Variants in DAB1 observed in about 807,000 individuals in gnomAD.
The protein encoded by DAB1 is DAB adaptor protein 1.
A neutral mutation model predicts 64.6 loss-of-function variants in DAB1; 15 were observed. The ratio of observed to expected loss-of-function variants is 0.23; its 90% CI spans 0.16 to 0.36. The LOEUF (loss-of-function observed/expected upper bound fraction) is 0.36, where lower values mean the gene tolerates loss of function less well. DAB1 is among the 10% of genes least tolerant of loss of function. DAB1 has a pLI of 1.00. For synonymous variants in DAB1, 235 were observed against 251.9 expected, an observed-to-expected ratio of 0.93 and a Z score of 0.64; for missense variants, 596 against 706.7, an observed-to-expected ratio of 0.84 and a Z score of 1.78.
At chr1:57,910,802 G>A (rs1006444348) in intron 5 of DAB1, among the ~76,000 whole-genome samples, 9 of 152,170 alleles carry the variant, frequency 5.9e-5, no homozygotes, top group African/African-American at 1.9e-4. Flanking sequence ...TGTTTCCAGA[G>A]GTGTAGCAGG....
At chr1:57,577,712 G>A (rs192091759) in intron 7 of DAB1, among the ~76,000 whole-genome samples, 1 of 152,260 alleles carries the variant, frequency 6.6e-6, no homozygotes, top group East Asian at 1.9e-4. Context: ...AGATTCCTGA[G>A]CTCCACAAAA....
intron 4 of DAB1, among the ~76,000 whole-genome samples, chr1:58,191,197 A>G (rs1657370325): frequency 6.6e-6 from 1 of 152,362 alleles, no homozygotes; most frequent in Middle Eastern, 3.4e-3. Context: ...AATAATGACA[A>G]TAATATTAAC....
chr1:57,815,261 C>T (rs852751), intron 6 of DAB1, among the ~76,000 whole-genome samples: 1 of 151,644 alleles, frequency 6.6e-6, no homozygotes, highest in East Asian at 2.0e-4. Context: ...GTAGAGATAG[C>T]GTTTCACTGT....
At chr1:58,184,995 C>A (rs1656992932) in intron 4 of DAB1, among the ~76,000 whole-genome samples, 1 of 152,170 alleles carries the variant, frequency 6.6e-6, no homozygotes, top group Non-Finnish European at 1.5e-5. Context: ...CTCAAATCAA[C>A]CCGTTACACT....
chr1:57,853,570 G>A (rs1176331599), intron 1 of DAB1, among the ~76,000 whole-genome samples: 2 of 142,690 alleles, frequency 1.4e-5, no homozygotes, highest in Admixed American at 1.4e-4. Flanking sequence ...TGCTCAACAT[G>A]TGTTTAAAAT....
rs544375945 is a variant in DAB1, at chr1:57,304,036, A to C, written c.-136-12870T>G. On this transcript the variant is annotated intron_variant, in intron 1 of 14. Transcript: ENST00000371236. Reference sequence around the variant, plus strand: ...CCTTAAATATATCACTGTTTGTATTAGTCCATTCTCGTATTGCTATAGAGA... The same window carrying C: ...CCTTAAATATATCACTGTTTGTATTCGTCCATTCTCGTATTGCTATAGAGA... 2.6e-5 allele frequency among the ~76,000 whole-genome samples: 4 copies of C among 152,324 alleles called. No individual in the cohort carries two copies. In the South Asian group the frequency reaches 8.3e-4, roughly 32 times the overall value.
chr1:57,329,610 A>T (rs1434986064), intron 1 of DAB1, among the ~76,000 whole-genome samples: 1 of 142,938 alleles, frequency 7.0e-6, no homozygotes, highest in Non-Finnish European at 1.5e-5. Flanking sequence ...TTGATGCATC[A>T]TGTTCATTAA....
chr1:57,778,343 C>T (rs922532340), intron 6 of DAB1, among the ~76,000 whole-genome samples: 3 of 151,762 alleles, frequency 2.0e-5, no homozygotes, highest in Non-Finnish European at 4.4e-5. Flanking sequence ...ATCATTTCCT[C>T]AGCTCTTCAG....
At chr1:57,109,435 A>T (rs1655458873) in intron 4 of DAB1, among the ~76,000 whole-genome samples, 1 of 152,220 alleles carries the variant, frequency 6.6e-6, no homozygotes, top group South Asian at 2.1e-4. Context: ...CTGGAAAACA[A>T]ACATGGCTCT....
intron 6 of DAB1, among the ~76,000 whole-genome samples, chr1:57,720,907 A>T (rs536886341): frequency 2.3e-4 from 35 of 152,310 alleles, no homozygotes; most frequent in Middle Eastern, 3.4e-3. Flanking sequence ...CACACCTTGT[A>T]TCACTTGCAC....
intron 1 of DAB1, among the ~76,000 whole-genome samples, chr1:58,541,330 A>C (rs1307165986): frequency 1.1e-4 from 15 of 137,876 alleles, no homozygotes; most frequent in Non-Finnish European, 1.6e-4. Context: ...AAAAAAAAAA[A>C]AAACAGGAAA....
chr1:58,018,551 C>G (rs938800975), intron 5 of DAB1, among the ~76,000 whole-genome samples: 1 of 152,146 alleles, frequency 6.6e-6, no homozygotes, highest in South Asian at 2.1e-4. Context: ...GCCAGGGACT[C>G]AAAATGGGCA....
chr1:57,815,493 G>A (rs573254865), intron 6 of DAB1, among the ~76,000 whole-genome samples: 41 of 152,082 alleles, frequency 2.7e-4, no homozygotes, highest in African/African-American at 8.4e-4. Flanking sequence ...TTCTTTTTTC[G>A]CTTATATATC....
At chr1:58,024,261 G>A (rs1646855690) in intron 5 of DAB1, among the ~76,000 whole-genome samples, 1 of 152,170 alleles carries the variant, frequency 6.6e-6, no homozygotes, top group South Asian at 2.1e-4. Flanking sequence ...AATATGCAAT[G>A]AACTAATGCC....
chr1:57,475,565 G>A (rs999837228), intron 7 of DAB1, among the ~76,000 whole-genome samples: 23 of 152,280 alleles, frequency 1.5e-4, no homozygotes, highest in Admixed American at 2.6e-4. Context: ...ACTTGCTGAC[G>A]TCACCATATG....
At chr1:57,341,484 T>C (rs1008224893) in intron 1 of DAB1, among the ~76,000 whole-genome samples, 2 of 152,196 alleles carry the variant, frequency 1.3e-5, no homozygotes, top group Admixed American at 6.5e-5. Context: ...CAGAAACTAA[T>C]TTAAATAAGC....
At chr1:57,469,768 T>C (rs1211374145) in intron 7 of DAB1, among the ~76,000 whole-genome samples, 1 of 152,198 alleles carries the variant, frequency 6.6e-6, no homozygotes, top group African/African-American at 2.4e-5. Flanking sequence ...TTTCAAAGTA[T>C]CTTCTATGAG....
intron 7 of DAB1, among the ~76,000 whole-genome samples, chr1:57,608,254 A>ATG (rs554391067): frequency 3.9e-5 from 6 of 152,120 alleles, no homozygotes; most frequent in Non-Finnish European, 8.8e-5. Context: ...CACATACACA[A>ATG]TGTAACCTCT....
intron 7 of DAB1, among the ~76,000 whole-genome samples, chr1:57,470,244 C>T (rs1234498914): frequency 6.6e-6 from 1 of 152,214 alleles, no homozygotes; most frequent in Admixed American, 6.5e-5. Flanking sequence ...CTCTCATCAA[C>T]ATAAGCAATC....
Sources: allele counts gnomAD v4.1 joint callset (sites outside exome capture counted in the v4.1 genomes callset), GRCh38; gene constraint gnomAD v4.1.1; transcripts MANE v1.5; gene names NCBI Gene and HGNC (gene_info 2026-07-23, HGNC 2026-07-21).